Variants in GOLGA3 observed in about 807,000 individuals in gnomAD.
GOLGA3 encodes the protein golgin subfamily A member 3.
In GOLGA3, 75 loss-of-function variants were observed where a neutral mutation model predicts 169.4. The observed-to-expected ratio is 0.44, with a 90% CI of 0.37 to 0.54. GOLGA3 has a LOEUF of 0.54. GOLGA3 is among the 20% of genes least tolerant of loss of function. GOLGA3 has a pLI of 0.00. For synonymous variants in GOLGA3, 824 were observed against 822.4 expected (o/e 1.00, Z -0.03); for missense variants, 1,899 against 1,930.0 (o/e 0.98, Z 0.30).
At chr12:132,799,516 C>T (rs1043518437) in intron 8 of GOLGA3, among the ~76,000 whole-genome samples, 7 of 152,132 alleles carry the variant, frequency 4.6e-5, no homozygotes, top group Non-Finnish European at 7.4e-5. Context: ...TGGTGTTCAC[C>T]TATGTCCCAG....
rs1467249317 is a variant in GOLGA3 at position 132,769,529 on chromosome 12, A to C, written c.*3576T>G. On this transcript the variant is annotated 3_prime_UTR_variant, in exon 24 of 24. Coordinates refer to ENST00000450791, the MANE Select transcript of GOLGA3 (RefSeq NM_001389683.1). ...AAACACTGCCTGATCCATATTGCAGAGAGTGGGAACGGGTGTGAGTCCGTA... is the reference window on the plus strand; with the variant it reads ...AAACACTGCCTGATCCATATTGCAGCGAGTGGGAACGGGTGTGAGTCCGTA... 1 of 152,246 alleles carries C rather than the reference A, an allele frequency of 6.6e-6. No homozygotes were observed. The highest frequency in any genetic ancestry group is 1.5e-5 in the Non-Finnish European group (1 of 68,060). The allele number at this position is 152,246 out of a possible 1,614,324, so 9.4% of individuals were successfully genotyped here.
At chr12:132,819,267 C>T (rs932935270) in intron 2 of GOLGA3, among the ~76,000 whole-genome samples, 1 of 152,300 alleles carries the variant, frequency 6.6e-6, no homozygotes, top group East Asian at 1.9e-4. Flanking sequence ...CGGTGGCTCA[C>T]GCCTGTAATC....
Position 132,773,167 on chromosome 12 carries a change from G to C in GOLGA3, c.4435C>G (p.Pro1479Ala), listed in dbSNP as rs557621368. 403 of 1,584,580 alleles carry C rather than the reference G, an allele frequency of 2.5e-4. 1 individual carries two copies. Among genetic ancestry groups the C allele is most frequent in the Middle Eastern group, 3.3e-4 (2 of 6,036 alleles). ...SPVPPGGHAGPRGDPQRHSQS... is the reference protein window; with the variant it reads ...SPVPPGGHAGARGDPQRHSQS... The stretch of plus-strand genomic sequence containing the variant: ...CTGTGTCTCTGTGGGTCGCCGCGTG[G>C]GCCGGCGTGACCCCCCGGGGGCACA... Residue 1479 changes from proline (P) to alanine (A), a missense_variant, in exon 24 of 24, where the codon CCA becomes GCA. By Grantham distance (27) the Pro-to-Ala change is conservative. Coordinates refer to ENST00000450791, the MANE Select transcript of GOLGA3 (RefSeq NM_001389683.1).
rs1050138654 is a variant in GOLGA3, at chr12:132,804,051, G to A, written c.1597+665C>T. 6.6e-6 allele frequency among the ~76,000 whole-genome samples: 1 copy of A among 152,302 alleles called. No individual in the cohort carries two copies. The highest frequency in any genetic ancestry group is 2.1e-4 in the South Asian group (1 of 4,824). ...TGGGACTGGCCCGGGCGGGGACTGA[G>A]GGGGTGGAAGGCGTGCTGCCAAGCC... On this transcript the variant is annotated intron_variant, in intron 7 of 23. Transcript: ENST00000450791. This position sits in a 1 kb window ranked among gnomAD's most constrained non-coding sequence, Gnocchi z 4.1.
intron 22 of GOLGA3, 67 bp downstream of exon 22, chr12:132,775,074 C>T (rs1173027843): frequency 1.4e-6 from 2 of 1,411,008 alleles, no homozygotes; most frequent in African/African-American, 1.4e-5. Context: ...ACACGTCTGC[C>T]AGCCTCCTGT....
chr12:132,783,665 G>A (rs186795966), intron 16 of GOLGA3, among the ~76,000 whole-genome samples: 6 of 152,212 alleles, frequency 3.9e-5, no homozygotes, highest in South Asian at 4.1e-4. Flanking sequence ...TGCAACCTCC[G>A]CTCCTGGGTT....
intron 15 of GOLGA3, 101 bp from the exon 16 acceptor site, chr12:132,784,408 C>A: frequency 2.1e-6 from 2 of 953,368 alleles, no homozygotes; most frequent in Admixed American, 4.5e-5. Context: ...GCTGCACACA[C>A]CAGACACCAG....
intron 17 of GOLGA3, 46 bp from the exon 18 acceptor site, chr12:132,780,960 C>A (rs1203697350): frequency 7.1e-7 from 1 of 1,415,274 alleles, no homozygotes; most frequent in Admixed American, 1.7e-5. Flanking sequence ...CGTCGAATTA[C>A]AAACACACAA....
At chr12:132,784,373 G>A (rs1449419677) in intron 15 of GOLGA3, 66 bp from the exon 16 acceptor site, 3 of 1,406,858 alleles carry the variant, frequency 2.1e-6, no homozygotes, top group Non-Finnish European at 2.9e-6. Context: ...ACTTCCTGTG[G>A]TGCCGGCAGG....
intron 4 of GOLGA3, among the ~76,000 whole-genome samples, chr12:132,810,641 A>G (rs944129841): frequency 1.3e-5 from 2 of 151,770 alleles, no homozygotes; most frequent in African/African-American, 4.9e-5. Context: ...ATGCCCAGAC[A>G]GGGCCACCAG....
rs1325569026 is a variant in GOLGA3 at position 132,801,748 on chromosome 12, A to G, written c.1800+19T>C. The G allele has an allele frequency of 1.2e-6, 2 of 1,605,210 alleles. No individual in the cohort carries two copies. Among genetic ancestry groups the G allele is most frequent in the South Asian group, 2.2e-5 (2 of 90,928 alleles). ...GACAAGAAGCGTGACCTGCCCTGGA[A>G]GGTAGATGTGGGCCGTACCTGGATG... On this transcript the variant is annotated intron_variant, in intron 8 of 23. Transcript: ENST00000450791.
In GOLGA3 at chr12:132,808,102, C is replaced by T. The variant is rs144611117; in HGVS notation, c.967G>A (p.Ala323Thr). The T allele has an allele frequency of 2.8e-4, 449 of 1,597,646 alleles. 1 individual carries two copies. Among genetic ancestry groups the T allele is most frequent in the Non-Finnish European group, 3.6e-4 (419 of 1,170,578 alleles). ...NDSDSSSYSS[A>T]STRGTYGILS... ...ATGCCATAGGTCCCTCGGGTGGAGG[C>T]GCTGCTGTACGATGAGCTGTCGCTG... is the stretch of plus-strand genomic sequence containing the variant. The change falls in exon 5 of 24, where the codon GCC (alanine) becomes ACC (threonine). Residue 323 changes from alanine (A) to threonine (T), a missense_variant. Coordinates refer to ENST00000450791, the MANE Select transcript of GOLGA3 (RefSeq NM_001389683.1).
rs781738756 is a variant in GOLGA3, at chr12:132,773,304, A to G, written c.4308-10T>C. 1.4e-4 allele frequency: 158 copies of G among 1,140,938 alleles called. 1 individual carries two copies. Among genetic ancestry groups the G allele is most frequent in the Middle Eastern group, 2.9e-4 (1 of 3,436 alleles). The allele number at this position is 1,140,938 out of a possible 1,614,324, so 70.7% of individuals were successfully genotyped here. A position where few individuals can be genotyped will look rare whatever the true frequency, so the allele number is the denominator to read the frequency against. ...GCTGTCCATCTCCTGCCTGGGACAGAAGAAGGAGGAAGAAGGCCCAGATCA... is the reference window on the plus strand; with the variant it reads ...GCTGTCCATCTCCTGCCTGGGACAGGAGAAGGAGGAAGAAGGCCCAGATCA... On this transcript the variant is annotated splice_polypyrimidine_tract_variant and intron_variant, in intron 23 of 23. Coordinates refer to ENST00000450791, the MANE Select transcript of GOLGA3 (RefSeq NM_001389683.1).
rs919314798 is a variant in GOLGA3, at chr12:132,777,968, C to G, written c.3583-163G>C. Reference sequence around the variant, plus strand: ...AAGTTCCTTGTAAAGATGAAACCACCTGACCCGGAGCTCGGCACGCAGCAA... The same window carrying G: ...AAGTTCCTTGTAAAGATGAAACCACGTGACCCGGAGCTCGGCACGCAGCAA... On this transcript the variant is annotated intron_variant, in intron 18 of 23. Transcript: ENST00000450791. This position sits in a 1 kb window ranked among gnomAD's most constrained non-coding sequence, Gnocchi z 4.7. Among the ~76,000 whole-genome samples the G allele has an allele frequency of 2.6e-5, 4 of 152,232 alleles. No individual in the cohort carries two copies. The highest frequency in any genetic ancestry group is 9.6e-5 in the African/African-American group (4 of 41,456).
intron 4 of GOLGA3, chr12:132,811,771 T>G (rs1238318341): frequency 1.4e-6 from 1 of 724,822 alleles, no homozygotes; most frequent in African/African-American, 1.9e-5. Flanking sequence ...CAGATTAAAG[T>G]ATTTAAAAAC....
rs1271217244 is a variant in GOLGA3 at position 132,768,966 on chromosome 12, C to T, written c.*4139G>A. 1.3e-5 allele frequency: 2 copies of T among 152,628 alleles called. No individual in the cohort carries two copies. Among genetic ancestry groups the T allele is most frequent in the Admixed American group, 1.3e-4 (2 of 15,280 alleles). 9.5% of individuals were successfully genotyped at this position (152,628 alleles called of 1,614,324 possible). On this transcript the variant is annotated 3_prime_UTR_variant, in exon 24 of 24. Coordinates refer to ENST00000450791, the MANE Select transcript of GOLGA3 (RefSeq NM_001389683.1). ...AAAATTTAAGGAATTCCCAAGCACACTTACATTTGTAAAAAATCAACGTGC... is the reference window on the plus strand; with the variant it reads ...AAAATTTAAGGAATTCCCAAGCACATTTACATTTGTAAAAAATCAACGTGC...
rs532588964 is a variant in GOLGA3 at position 132,779,359 on chromosome 12, A to G, written c.3582+1439T>C. Reference sequence around the variant, plus strand: ...CTCCCAAAGTGCTGGGATTACAGGCATGAGCCACCGCGCCCAGCCACCTGC... The same window carrying G: ...CTCCCAAAGTGCTGGGATTACAGGCGTGAGCCACCGCGCCCAGCCACCTGC... On this transcript the variant is annotated intron_variant, in intron 18 of 23. Transcript: ENST00000450791. Among the ~76,000 whole-genome samples the G allele has an allele frequency of 2.0e-5, 3 of 152,314 alleles. No homozygotes were observed. The South Asian group carries it at 6.2e-4, about 32-fold the overall frequency.
At chr12:132,812,192 TACACAC>T (rs140337948) in intron 4 of GOLGA3, among the ~76,000 whole-genome samples, 8 of 135,008 alleles carry the variant, frequency 5.9e-5, no homozygotes, top group East Asian at 2.2e-4. Context: ...TGTCTCAAAA[TACACAC>T]ACACACACAC....
intron 4 of GOLGA3, among the ~76,000 whole-genome samples, chr12:132,809,149 G>A (rs889650196): frequency 1.2e-4 from 18 of 152,048 alleles, no homozygotes; most frequent in Non-Finnish European, 2.1e-4. Context: ...AGGCAGAGAG[G>A]GAGAGGAGAC....
Sources: allele counts gnomAD v4.1 joint callset (sites outside exome capture counted in the v4.1 genomes callset), GRCh38; gene constraint gnomAD v4.1.1; non-coding constraint Gnocchi (gnomAD v3.1); transcripts MANE v1.5; gene names NCBI Gene and HGNC (gene_info 2026-07-23, HGNC 2026-07-21).